Variants in SLC38A4 observed in about 807,000 individuals in gnomAD.
SLC38A4 encodes sodium-coupled neutral amino acid transporter 4.
Under a neutral mutation model 63.1 loss-of-function variants are expected in SLC38A4, and 20 were observed. That is an observed-to-expected ratio of 0.32 (90% CI 0.22 to 0.46). The LOEUF (loss-of-function observed/expected upper bound fraction) is 0.46. SLC38A4 is among the 20% of genes least tolerant of loss of function. The probability of loss-of-function intolerance (pLI) is 1.00; values close to 1 mark genes in which losing one functional copy is unlikely to be tolerated. For synonymous variants in SLC38A4, 230 were observed against 225.5 expected (o/e 1.02, Z -0.18); for missense variants, 526 against 663.6 (o/e 0.79, Z 2.28).
intron 1 of SLC38A4, among the ~76,000 whole-genome samples, chr12:46,816,623 G>T (rs555249707): frequency 5.3e-5 from 8 of 151,940 alleles, no homozygotes; most frequent in African/African-American, 1.9e-4. Context: ...AAACCTTATA[G>T]GGAATTTGAA....
intron 1 of SLC38A4, among the ~76,000 whole-genome samples, chr12:46,820,708 A>G (rs1386698129): frequency 6.6e-6 from 1 of 151,946 alleles, no homozygotes; most frequent in East Asian, 1.9e-4. Context: ...GTGGGATTGT[A>G]GGATCATATA....
intron 3 of SLC38A4, among the ~76,000 whole-genome samples, chr12:46,789,632 G>A (rs74474114): frequency 6.6e-6 from 1 of 152,200 alleles, no homozygotes; most frequent in African/African-American, 2.4e-5. Flanking sequence ...ACTGCAAAAT[G>A]TCACAGACTT....
chr12:46,788,959 G>A (rs1938823923), intron 3 of SLC38A4, among the ~76,000 whole-genome samples: 1 of 152,070 alleles, frequency 6.6e-6, no homozygotes, highest in Non-Finnish European at 1.5e-5. Flanking sequence ...AAGAGTACAG[G>A]GTTATGACAG....
At chr12:46,784,038 A>G (rs1938704987) in intron 7 of SLC38A4, among the ~76,000 whole-genome samples, 1 of 152,054 alleles carries the variant, frequency 6.6e-6, no homozygotes, top group East Asian at 1.9e-4. Flanking sequence ...TTTATAGTGC[A>G]TTTGATGCCT....
chr12:46,807,216 T>G (rs73283958), intron 1 of SLC38A4, among the ~76,000 whole-genome samples: 27,411 of 152,004 alleles, frequency 0.18, 4,726 homozygotes, highest in African/African-American at 0.46. Flanking sequence ...TGTAATGCCT[T>G]TGTTTCTGTA....
In SLC38A4 at chr12:46,768,338, T is replaced by C. The variant is rs1565660975; in HGVS notation, c.1514A>G (p.Glu505Gly). 1 of 1,611,468 alleles carries C rather than the reference T, an allele frequency of 6.2e-7. No individual in the cohort carries two copies. The highest frequency in any genetic ancestry group is 2.2e-5 in the East Asian group (1 of 44,768). ...AVFYLKLVKKETFRSPQKVGA... is the reference protein window; with the variant it reads ...AVFYLKLVKKGTFRSPQKVGA... Reference sequence around the variant, plus strand: ...GACCTTTTGGGGTGACCTAAAAGTTTCTTTCTTGACAAGTTTAAGATAAAA... The same window carrying C: ...GACCTTTTGGGGTGACCTAAAAGTTCCTTTCTTGACAAGTTTAAGATAAAA... Residue 505 changes from glutamate to glycine, a missense_variant, in exon 16 of 17, where the codon GAA becomes GGA. By Grantham distance (98) the Glu-to-Gly change is moderately conservative (BLOSUM62 -2). Transcript: ENST00000266579.
chr12:46,823,594 T>A (rs753766638), intron 1 of SLC38A4, among the ~76,000 whole-genome samples: 5 of 152,244 alleles, frequency 3.3e-5, no homozygotes, highest in Non-Finnish European at 7.3e-5. Context: ...GGGCAATGCA[T>A]TCAGTTAAAC....
intron 1 of SLC38A4, among the ~76,000 whole-genome samples, chr12:46,808,126 A>T (rs1247472245): frequency 6.6e-6 from 1 of 152,006 alleles, no homozygotes; most frequent in Non-Finnish European, 1.5e-5. Context: ...CTTAACACAC[A>T]TACAATACAA....
chr12:46,811,903 A>G (rs1305298965), intron 1 of SLC38A4, among the ~76,000 whole-genome samples: 3 of 152,056 alleles, frequency 2.0e-5, no homozygotes. Flanking sequence ...CAAGTCTTAC[A>G]GGAGTTGAAT....
chr12:46,767,377 C>A (rs1395160688), intron 16 of SLC38A4, among the ~76,000 whole-genome samples: 1 of 152,014 alleles, frequency 6.6e-6, no homozygotes, highest in East Asian at 1.9e-4. Context: ...ACCTCCTAAT[C>A]CTACATATAA....
chr12:46,793,085 GCTTT>G lies in SLC38A4; in HGVS notation c.-18_-15del. ...CATGGGATCCATTTGAGCTGTCAGC[GCTTT>G]CTTGTCCACACACAAGCCCCTTCAG... is the stretch of plus-strand genomic sequence containing the variant. On this transcript the variant is annotated 5_prime_UTR_variant, in exon 3 of 17. Transcript: ENST00000266579. 6.3e-7 allele frequency: 1 copy of G among 1,588,506 alleles called. No homozygotes were observed. The highest frequency in any genetic ancestry group is 2.2e-5 in the East Asian group (1 of 44,670).
chr12:46,820,527 G>T (rs1431646354), intron 1 of SLC38A4, among the ~76,000 whole-genome samples: 1 of 151,860 alleles, frequency 6.6e-6, no homozygotes, highest in Non-Finnish European at 1.5e-5. Flanking sequence ...TCAAGGCTGG[G>T]TAATATTTCA....
In SLC38A4 at chr12:46,775,050, G is replaced by C; in HGVS notation, c.1298C>G (p.Pro433Arg). ...TTCATCAAAGTCTTATGTACTTACT[G>C]GGAAGAGGACAATGGGCACAGTTAG... ...VTLTVPIVLFPIRTSVITLLF... is the reference protein window; with the variant it reads ...VTLTVPIVLFRIRTSVITLLF... Residue 433 changes from proline to arginine, a missense_variant and splice_region_variant, in exon 14 of 17, where the codon CCA (proline) becomes CGA (arginine). By Grantham distance (103) the Pro-to-Arg change is moderately radical. Transcript: ENST00000266579. 6.2e-7 allele frequency: 1 copy of C among 1,612,136 alleles called. No homozygotes were observed. The highest frequency in any genetic ancestry group is 1.1e-5 in the South Asian group (1 of 90,846).
At chr12:46,789,947 A>G (rs902166893) in intron 3 of SLC38A4, among the ~76,000 whole-genome samples, 1 of 151,988 alleles carries the variant, frequency 6.6e-6, no homozygotes, top group African/African-American at 2.4e-5. Context: ...GTGTGGTGGC[A>G]GGCGCCTGTA....
chr12:46,780,424 C>A (rs1938615490), intron 7 of SLC38A4, among the ~76,000 whole-genome samples: 1 of 151,990 alleles, frequency 6.6e-6, no homozygotes, highest in Non-Finnish European at 1.5e-5. Flanking sequence ...AATCAAAGGG[C>A]AGATCTGCAG....
chr12:46,798,528 A>T (rs1286632685), intron 2 of SLC38A4, among the ~76,000 whole-genome samples: 1 of 152,142 alleles, frequency 6.6e-6, no homozygotes, highest in African/African-American at 2.4e-5. Flanking sequence ...GGATCAGGGA[A>T]GGCTTCTCTG....
chr12:46,814,399 A>G (rs776493259), intron 1 of SLC38A4, among the ~76,000 whole-genome samples: 2 of 151,946 alleles, frequency 1.3e-5, no homozygotes, highest in African/African-American at 2.4e-5. Context: ...CCCATGGTAC[A>G]TATTTACCCC....
chr12:46,832,052 C>T (rs1939738915), intron 1 of SLC38A4, among the ~76,000 whole-genome samples: 1 of 151,850 alleles, frequency 6.6e-6, no homozygotes, highest in Non-Finnish European at 1.5e-5. Flanking sequence ...CTCCATGTGC[C>T]CTAGTTTACG....
At chr12:46,808,009 T>C (rs1398272660) in intron 1 of SLC38A4, among the ~76,000 whole-genome samples, 1 of 151,982 alleles carries the variant, frequency 6.6e-6, no homozygotes, top group Non-Finnish European at 1.5e-5. Flanking sequence ...CCACTTCTAT[T>C]TTTTTAAGAC....
Sources: gnomAD v4.1 joint callset for allele counts (sites outside exome capture counted in the v4.1 genomes callset) on GRCh38, gnomAD v4.1.1 for gene constraint, MANE v1.5 for transcripts, NCBI Gene and HGNC (gene_info 2026-07-23, HGNC 2026-07-21) for gene names.